The following DEPDC5 variants were observed in gnomAD, a reference collection of about 807,000 sequenced individuals.
DEPDC5 encodes GATOR1 complex protein DEPDC5.
A neutral mutation model predicts 217.3 loss-of-function variants in DEPDC5; 73 were observed. The ratio of observed to expected loss-of-function variants is 0.34; its 90% CI spans 0.28 to 0.41. The LOEUF (loss-of-function observed/expected upper bound fraction) is 0.41, where lower values mean the gene tolerates loss of function less well. Among genes scored for constraint, DEPDC5 ranks in the 10% least tolerant of loss-of-function variants. The probability of loss-of-function intolerance (pLI) is 1.00; values close to 1 mark genes in which losing one functional copy is unlikely to be tolerated. For missense variants in DEPDC5, 1,675 were observed against 2,070.1 expected, an observed-to-expected ratio of 0.81 and a Z score of 3.70; for synonymous variants, 733 against 756.7, an observed-to-expected ratio of 0.97 and a Z score of 0.51.
intron 25 of DEPDC5, among the ~76,000 whole-genome samples, chr22:31,835,062 G>A (rs1569054054): frequency 6.6e-6 from 1 of 152,214 alleles, no homozygotes; most frequent in Non-Finnish European, 1.5e-5. Flanking sequence ...GGAGGCTGAG[G>A]TGGGTGCTTC....
chr22:31,839,887 T>C (rs1276812993), intron 27 of DEPDC5, among the ~76,000 whole-genome samples: 1 of 152,078 alleles, frequency 6.6e-6, no homozygotes, highest in Non-Finnish European at 1.5e-5. Context: ...TCCTAGCACG[T>C]TGGGAGGCTG....
chr22:31,795,824 G>A (rs1211270942), intron 12 of DEPDC5, among the ~76,000 whole-genome samples: 2 of 149,374 alleles, frequency 1.3e-5, no homozygotes, highest in Non-Finnish European at 3.0e-5. Flanking sequence ...TCCGCCTCCC[G>A]GATGCAAGCG....
chr22:31,854,712 C>G (rs1316976130), intron 31 of DEPDC5, among the ~76,000 whole-genome samples: 2 of 152,106 alleles, frequency 1.3e-5, no homozygotes, highest in African/African-American at 4.8e-5. Flanking sequence ...AAAATTTGAC[C>G]AAAATCTGCC....
chr22:31,875,546 GA>G (rs1283617424), intron 36 of DEPDC5: 1 of 150,212 alleles, frequency 6.7e-6, no homozygotes, highest in Non-Finnish European at 1.5e-5. Flanking sequence ...AGTCTAAGGA[GA>G]TTTTTTTTTA....
intron 38 of DEPDC5, among the ~76,000 whole-genome samples, chr22:31,886,944 G>A (rs1429188718): frequency 1.3e-5 from 2 of 151,824 alleles, no homozygotes; most frequent in South Asian, 2.1e-4. Flanking sequence ...TTAGCATGGC[G>A]TGGTGGCGTG....
intron 22 of DEPDC5, 30 bp from the exon 23 acceptor site, chr22:31,821,472 A>T (rs376101067): frequency 2.5e-6 from 4 of 1,611,956 alleles, no homozygotes; most frequent in Middle Eastern, 1.6e-4. Flanking sequence ...TCAGGTGGGA[A>T]TGATGCTCAG....
intron 17 of DEPDC5, 38 bp from the exon 18 acceptor site, chr22:31,806,084 G>A (rs1407548563): frequency 1.9e-6 from 3 of 1,569,514 alleles, no homozygotes; most frequent in Non-Finnish European, 2.6e-6. Flanking sequence ...TAAAATAAAG[G>A]GAATTTAGAT....
At chr22:31,793,433 G>A (rs1231382685) in intron 12 of DEPDC5, among the ~76,000 whole-genome samples, 1 of 151,756 alleles carries the variant, frequency 6.6e-6, no homozygotes, top group Non-Finnish European at 1.5e-5. Flanking sequence ...TTATTATTTT[G>A]TCATATTTGA....
rs970866054 is a variant in DEPDC5 at position 31,798,747 on chromosome 22, G to A, written c.946+91G>A. 1.2e-5 allele frequency: 15 copies of A among 1,279,112 alleles called. No individual in the cohort carries two copies. In the African/African-American group the frequency reaches 2.1e-4, roughly 18 times the overall value. The allele number at this position is 1,279,112 out of a possible 1,614,324, so 79.2% of individuals were successfully genotyped here. ...GTCCTGATCCAGACCCTAAGAGAAG[G>A]TTCTTGGATCTTGCAGAAGAAAGAA... On this transcript the variant is annotated intron_variant, in intron 14 of 42. Coordinates refer to ENST00000651528, the MANE Select transcript of DEPDC5 (RefSeq NM_001242896.3).
chr22:31,851,408 G>A (rs2092020271), intron 31 of DEPDC5, among the ~76,000 whole-genome samples: 2 of 152,216 alleles, frequency 1.3e-5, no homozygotes, highest in Admixed American at 1.3e-4. Flanking sequence ...TTGAGGAAGA[G>A]AAAACATTGC....
Position 31,790,837 on chromosome 22 carries a change from C to G in DEPDC5, c.625-1196C>G, listed in dbSNP as rs574192970. Reference sequence around the variant, plus strand: ...TCTTGGCTCACTGCAGTCTCCACCCCCTGGGTTCAAGTGATTATCCTACCT... The same window carrying G: ...TCTTGGCTCACTGCAGTCTCCACCCGCTGGGTTCAAGTGATTATCCTACCT... On this transcript the variant is annotated intron_variant, in intron 10 of 42. Coordinates refer to ENST00000651528, the MANE Select transcript of DEPDC5 (RefSeq NM_001242896.3). Among the ~76,000 whole-genome samples the G allele has an allele frequency of 5.9e-5, 9 of 151,794 alleles. No homozygotes were observed. In the South Asian group the frequency reaches 8.4e-4, roughly 14 times the overall value.
chr22:31,822,225 A>G (rs972028885), intron 23 of DEPDC5, among the ~76,000 whole-genome samples: 2 of 152,218 alleles, frequency 1.3e-5, no homozygotes, highest in African/African-American at 4.8e-5. Context: ...TGGACTCAAT[A>G]TTCCTGTTGC....
chr22:31,755,322 TTGAG>T (rs1480983001), intron 2 of DEPDC5: 3 of 336,124 alleles, frequency 8.9e-6, no homozygotes, highest in East Asian at 6.7e-5. Flanking sequence ...AGTTTTTACA[TTGAG>T]TGAGAGAGAA....
chr22:31,862,916 CT>C (rs1052061533), intron 33 of DEPDC5, among the ~76,000 whole-genome samples: 10 of 152,006 alleles, frequency 6.6e-5, no homozygotes, highest in African/African-American at 1.4e-4. Flanking sequence ...CTTTTACTTT[CT>C]TTTTTTTAGA....
At chr22:31,883,736 T>C (rs2093238768) in intron 38 of DEPDC5, among the ~76,000 whole-genome samples, 1 of 152,170 alleles carries the variant, frequency 6.6e-6, no homozygotes. Flanking sequence ...AAGCCTGAAC[T>C]CCAAGCACAC....
rs1224267855 is a variant in DEPDC5, at chr22:31,874,528, A to G, written c.3696+123A>G. 4.0e-6 allele frequency: 5 copies of G among 1,261,302 alleles called. No individual in the cohort carries two copies. In the African/African-American group the frequency reaches 4.6e-5, roughly 11 times the overall value. 78.1% of individuals were successfully genotyped at this position (1,261,302 alleles called of 1,614,324 possible). A position where few individuals can be genotyped will look rare whatever the true frequency, so the allele number is the denominator to read the frequency against. On this transcript the variant is annotated intron_variant, in intron 36 of 42. Coordinates refer to ENST00000651528, the MANE Select transcript of DEPDC5 (RefSeq NM_001242896.3). ...CAGGTTGGGGTGAGGATTTTTTTTA[A>G]TAAGTGGGAGGCCTTTCTGGAATTG...
intron 38 of DEPDC5, among the ~76,000 whole-genome samples, chr22:31,893,065 G>T (rs186344044): frequency 0.012 from 1,896 of 151,986 alleles, 37 homozygotes; most frequent in African/African-American, 0.042. Context: ...TAGTAGAGAT[G>T]GGGTTTCACC....
At chr22:31,778,032 G>A in intron 7 of DEPDC5, 67 bp from the exon 8 acceptor site, 1 of 1,550,938 alleles carries the variant, frequency 6.4e-7, no homozygotes, top group Non-Finnish European at 8.9e-7. Flanking sequence ...ACAGGCGTGA[G>A]CTATTGCACC....
chr22:31,796,995 T>G (rs2086313982), intron 12 of DEPDC5, among the ~76,000 whole-genome samples: 2 of 147,920 alleles, frequency 1.4e-5, no homozygotes, highest in Non-Finnish European at 3.0e-5. Flanking sequence ...ATGCCCAGCC[T>G]CTTTTTTTTT....
Sources: allele counts gnomAD v4.1 joint callset (sites outside exome capture counted in the v4.1 genomes callset), GRCh38; gene constraint gnomAD v4.1.1; transcripts MANE v1.5; gene names NCBI Gene and HGNC (gene_info 2026-07-23, HGNC 2026-07-21).